GFPT2: variants seen among roughly 807,000 people sequenced by gnomAD.
The protein encoded by GFPT2 is glutamine--fructose-6-phosphate aminotransferase [isomerizing] 2.
Under a neutral mutation model 85.6 loss-of-function variants are expected in GFPT2, and 62 were observed. The ratio of observed to expected loss-of-function variants is 0.72; its 90% CI spans 0.59 to 0.90. The LOEUF (loss-of-function observed/expected upper bound fraction) is 0.90. Among genes scored for constraint, GFPT2 ranks in the 40% least tolerant of loss-of-function variants. The pLI is 0.00. For synonymous variants in GFPT2, 368 were observed against 344.5 expected (o/e 1.07, Z -0.75); for missense variants, 788 against 893.4 (o/e 0.88, Z 1.50).
At chr5:180,336,610 C>G in intron 2 of GFPT2, 33 bp from the exon 3 acceptor site, 1 of 1,419,038 alleles carries the variant, frequency 7.0e-7, no homozygotes, top group Non-Finnish European at 1.0e-6. Context: ...TATATTGCAA[C>G]CAAAGCTTTT....
At chr5:180,333,390 A>G (rs1009192118) in intron 4 of GFPT2, among the ~76,000 whole-genome samples, 1 of 152,074 alleles carries the variant, frequency 6.6e-6, no homozygotes, top group Non-Finnish European at 1.5e-5. Flanking sequence ...ACCCGCCACC[A>G]TGCCTGGCTA....
At chr5:180,351,203 C>T (rs991236285) in intron 1 of GFPT2, among the ~76,000 whole-genome samples, 2 of 152,230 alleles carry the variant, frequency 1.3e-5, no homozygotes, top group South Asian at 2.1e-4. Context: ...TCATCCCCCC[C>T]AAACAGACCA....
intron 4 of GFPT2, among the ~76,000 whole-genome samples, chr5:180,335,490 GGGAGGAACAGT>G (rs1378971482): frequency 2.0e-5 from 3 of 152,210 alleles, no homozygotes; most frequent in Non-Finnish European, 4.4e-5. Context: ...CCGTCACTTG[GGGAGGAACAGT>G]GCCCAGGCCC....
chr5:180,344,346 T>C (rs1179793651), intron 1 of GFPT2, among the ~76,000 whole-genome samples: 1 of 152,172 alleles, frequency 6.6e-6, no homozygotes, highest in East Asian at 1.9e-4. Context: ...CCTCTTTAGA[T>C]GGTTAAGACA....
At chr5:180,319,737 T>TATG (rs1452351553) in intron 9 of GFPT2, among the ~76,000 whole-genome samples, 21 of 152,082 alleles carry the variant, frequency 1.4e-4, no homozygotes, top group Admixed American at 1.4e-3. Flanking sequence ...CACCACCAAC[T>TATG]ATGTAGTCTT....
chr5:180,335,582 G>C (rs1764377666), intron 4 of GFPT2, among the ~76,000 whole-genome samples: 2 of 152,240 alleles, frequency 1.3e-5, no homozygotes, highest in Admixed American at 6.5e-5. Context: ...TCCTGGTTAA[G>C]TGCCATCGTT....
At chr5:180,307,431 G>A (rs911346158) in intron 15 of GFPT2, 128 bp from the exon 16 acceptor site, 4 of 865,982 alleles carry the variant, frequency 4.6e-6, no homozygotes, top group South Asian at 1.8e-5. Flanking sequence ...TTGCTTCCTC[G>A]CATTCGTTTC....
chr5:180,338,889 A>C (rs1179191541), intron 1 of GFPT2, among the ~76,000 whole-genome samples: 4 of 152,200 alleles, frequency 2.6e-5, no homozygotes, highest in Non-Finnish European at 5.9e-5. Context: ...CAATGTCCAT[A>C]ATAGAAAAGG....
Position 180,347,456 on chromosome 5 carries a change from C to A in GFPT2, c.7+5755G>T, listed in dbSNP as rs76433467. Among the ~76,000 whole-genome samples the A allele has an allele frequency of 4.3e-3, 662 of 152,272 alleles. 16 individuals are homozygous for A. In the South Asian group the frequency reaches 0.045, roughly 10 times the overall value. On this transcript the variant is annotated intron_variant, in intron 1 of 18. Coordinates refer to ENST00000253778, the MANE Select transcript of GFPT2 (RefSeq NM_005110.4). ...CCTCAAAATTGATAGATAAAATGAA[C>A]CGGGAAAGGTCCCAGAAGGAGAGGG...
At chr5:180,312,651 A>C in intron 14 of GFPT2, 107 bp from the exon 15 acceptor site, 1 of 649,328 alleles carries the variant, frequency 1.5e-6, no homozygotes. Context: ...TGCAGTGGCG[A>C]GATCACGGCT....
Position 180,318,054 on chromosome 5 carries a change from G to T in GFPT2, c.958+739C>A, listed in dbSNP as rs2127650435. ...GCCACCATAGGGGAGGGGCTGGGGA[G>T]GGACCATGGCAGACACAGGAGCAGA... On this transcript the variant is annotated intron_variant, in intron 10 of 18. Coordinates refer to ENST00000253778, the MANE Select transcript of GFPT2 (RefSeq NM_005110.4). This position sits in a 1 kb window ranked among gnomAD's most constrained non-coding sequence, Gnocchi z 4.2. Among the ~76,000 whole-genome samples the T allele has an allele frequency of 6.6e-6, 1 of 152,302 alleles. No homozygotes were observed. The highest frequency in any genetic ancestry group is 2.4e-5 in the African/African-American group (1 of 41,552).
intron 7 of GFPT2, among the ~76,000 whole-genome samples, chr5:180,325,176 C>A (rs1157424270): frequency 1.3e-5 from 2 of 152,216 alleles, no homozygotes; most frequent in African/African-American, 4.8e-5. Flanking sequence ...CAAGTCCCCA[C>A]ATGTGACCAA....
chr5:180,342,997 C>T (rs1407624953), intron 1 of GFPT2, among the ~76,000 whole-genome samples: 6 of 152,022 alleles, frequency 3.9e-5, no homozygotes, highest in African/African-American at 9.7e-5. Flanking sequence ...ATGTAAAGAC[C>T]ACAGTTAAGC....
chr5:180,306,518 G>T (rs1200737555), intron 16 of GFPT2, among the ~76,000 whole-genome samples: 1 of 152,254 alleles, frequency 6.6e-6, no homozygotes, highest in Non-Finnish European at 1.5e-5. Context: ...CAGCCCTGTG[G>T]CCCTGGCACC....
rs112096335 is a variant in GFPT2 at position 180,314,564 on chromosome 5, A to G, written c.1274-600T>C. Among the ~76,000 whole-genome samples the G allele has an allele frequency of 9.1e-3, 1,385 of 152,358 alleles. 6 individuals carry two copies. Among genetic ancestry groups the G allele is most frequent in the Non-Finnish European group, 0.014 (964 of 68,036 alleles). ...AATTAAATTCAGCATAAGCCAGACT[A>G]TAAAATCAAAACTGTTGAAATCCTC... On this transcript the variant is annotated intron_variant, in intron 13 of 18. Coordinates refer to ENST00000253778, the MANE Select transcript of GFPT2 (RefSeq NM_005110.4).
At chr5:180,326,616 T>C (rs1764215602) in intron 7 of GFPT2, among the ~76,000 whole-genome samples, 1 of 152,230 alleles carries the variant, frequency 6.6e-6, no homozygotes, top group Non-Finnish European at 1.5e-5. Flanking sequence ...TTGAATATTT[T>C]AATCATTTAT....
intron 1 of GFPT2, chr5:180,352,649 A>G (rs1764736257): frequency 4.5e-6 from 2 of 441,906 alleles, no homozygotes; most frequent in Non-Finnish European, 9.0e-6. Flanking sequence ...TAGGGACCAG[A>G]CGTTCCTTTG....
At chr5:180,339,378 C>CAAAA (rs34123923) in intron 1 of GFPT2, among the ~76,000 whole-genome samples, 11 of 64,974 alleles carry the variant, frequency 1.7e-4, no homozygotes, top group Non-Finnish European at 3.0e-4. Flanking sequence ...GACTCTGTCT[C>CAAAA]AAAAAAAAAA....
intron 1 of GFPT2, among the ~76,000 whole-genome samples, chr5:180,342,639 C>T (rs994571277): frequency 4.6e-5 from 7 of 152,098 alleles, no homozygotes; most frequent in African/African-American, 9.7e-5. Context: ...CAGTGGCTCA[C>T]GCCTGTAATC....
Sources: allele counts gnomAD v4.1 joint callset (sites outside exome capture counted in the v4.1 genomes callset), GRCh38; gene constraint gnomAD v4.1.1; non-coding constraint Gnocchi (gnomAD v3.1); transcripts MANE v1.5; gene names NCBI Gene and HGNC (gene_info 2026-07-23, HGNC 2026-07-21).